Variants in RIPOR2 observed in about 807,000 individuals in gnomAD.
The protein encoded by RIPOR2 is rho family-interacting cell polarization regulator 2.
Under a neutral mutation model 114.5 loss-of-function variants are expected in RIPOR2, and 39 were observed. That is an observed-to-expected ratio of 0.34 (90% CI 0.26 to 0.44). RIPOR2 has a LOEUF of 0.44. RIPOR2 is among the 20% of genes least tolerant of loss of function. RIPOR2 has a pLI of 1.00. For synonymous variants in RIPOR2, 445 were observed against 484.4 expected, an observed-to-expected ratio of 0.92 and a Z score of 1.07; for missense variants, 1,007 against 1,255.1, an observed-to-expected ratio of 0.80 and a Z score of 2.99.
At chr6:24,810,904 A>G (rs1355458441) in intron 20 of RIPOR2, among the ~76,000 whole-genome samples, 1 of 152,082 alleles carries the variant, frequency 6.6e-6, no homozygotes, top group Non-Finnish European at 1.5e-5. Context: ...TCCTGGGTTC[A>G]AGCGATTCTC....
chr6:24,834,885 A>G (rs995742070), intron 15 of RIPOR2, among the ~76,000 whole-genome samples: 6 of 152,148 alleles, frequency 3.9e-5, no homozygotes, highest in Non-Finnish European at 8.8e-5. Context: ...TGACCTCCCA[A>G]AGTGCTGGGA....
intron 1 of RIPOR2, among the ~76,000 whole-genome samples, chr6:24,963,513 T>C (rs889304996): frequency 2.6e-5 from 4 of 152,172 alleles, no homozygotes; most frequent in Non-Finnish European, 5.9e-5. Flanking sequence ...ATGGTATATA[T>C]GTAGCTCTTC....
chr6:24,917,677 G>A lies in RIPOR2; in HGVS notation c.61+18161C>T, dbSNP rs376154378. ...CCCGTGTAGCTGGGATTACAGGCGC[G>A]TACCACCAGGCCTGGCTAATGTTTT... is the stretch of plus-strand genomic sequence containing the variant. On this transcript the variant is annotated intron_variant, in intron 1 of 21. Coordinates refer to ENST00000643898, the MANE Select transcript of RIPOR2 (RefSeq NM_001286445.3). 4.1e-4 allele frequency among the ~76,000 whole-genome samples: 62 copies of A among 152,176 alleles called. No individual in the cohort carries two copies. The South Asian group carries it at 6.4e-3, about 16-fold the overall frequency.
chr6:24,840,365 C>A (rs1164033446), intron 13 of RIPOR2: 4 of 1,131,468 alleles, frequency 3.5e-6, no homozygotes, highest in Admixed American at 9.3e-5. Context: ...ACTTCCCTGA[C>A]CAGGCCCTGG....
intron 1 of RIPOR2, among the ~76,000 whole-genome samples, chr6:24,978,644 G>A (rs1469763524): frequency 2.0e-5 from 3 of 152,122 alleles, no homozygotes; most frequent in Non-Finnish European, 4.4e-5. Flanking sequence ...GGTGAATGGA[G>A]GTTGGGAATA....
intron 1 of RIPOR2, among the ~76,000 whole-genome samples, chr6:25,030,441 C>A (rs1776868591): frequency 6.6e-6 from 1 of 152,016 alleles, no homozygotes; most frequent in Non-Finnish European, 1.5e-5. Context: ...GGGGGTTGTC[C>A]CCTCTGATGA....
At chr6:24,878,965 C>T (rs1766085172) in intron 1 of RIPOR2, among the ~76,000 whole-genome samples, 1 of 140,666 alleles carries the variant, frequency 7.1e-6, no homozygotes, top group South Asian at 2.2e-4. Context: ...AAACAAGGTT[C>T]TCAAAATCAG....
At chr6:24,935,964 G>A (rs1488734897), upstream of RIPOR2, 7 of 1,216,484 alleles carry the variant, frequency 5.8e-6, no homozygotes, top group East Asian at 7.6e-5. Context: ...TCACACTGCC[G>A]ACCGAGGTGA....
At chr6:24,891,770 T>G (rs1392953471) in intron 1 of RIPOR2, among the ~76,000 whole-genome samples, 1 of 152,214 alleles carries the variant, frequency 6.6e-6, no homozygotes, top group Non-Finnish European at 1.5e-5. Context: ...AGCTCTCACT[T>G]AGGTTAGTAA....
At chr6:24,833,879 A>G (rs1255747141) in intron 15 of RIPOR2, among the ~76,000 whole-genome samples, 3 of 152,180 alleles carry the variant, frequency 2.0e-5, no homozygotes, top group African/African-American at 2.4e-5. Flanking sequence ...AAAGCATGCC[A>G]ATTAGTCTTT....
chr6:24,818,617 G>C lies in RIPOR2; in HGVS notation c.2877C>G (p.Leu959=). Reference sequence around the variant, plus strand: ...TCTTTGTTAGTGCTTCACAGTAATAGAGCAAGGCCTGAAAGAGAAGGAGGG... The same window carrying C: ...TCTTTGTTAGTGCTTCACAGTAATACAGCAAGGCCTGAAAGAGAAGGAGGG... ...KNQHFREKAL[L]YYCEALTKTN... is the part of the protein sequence containing the mutation. The change falls in exon 20 of 22, where the codon CTC becomes CTG. Residue 959 remains leucine, a synonymous_variant. Transcript: ENST00000643898. The C allele has an allele frequency of 6.5e-7, 1 of 1,547,980 alleles. No individual in the cohort carries two copies. Among genetic ancestry groups the C allele is most frequent in the East Asian group, 2.4e-5 (1 of 40,846 alleles).
chr6:24,828,190 G>T lies in RIPOR2; in HGVS notation c.2612C>A (p.Thr871Asn), dbSNP rs1325987092. ...VTVFQYYSYF[T>N]SHGVSDLESY... ...CTCCAGGTCACTGACGCCGTGGCTG[G>T]TGAAGTAACTGTAATACTGGAAAAC... is the stretch of plus-strand genomic sequence containing the variant. Residue 871 changes from threonine (T) to asparagine (N), a missense_variant, in exon 18 of 22, where the codon ACC (threonine) becomes AAC (asparagine). Physicochemically the swap from Thr to Asn is moderately conservative, Grantham distance 65 (BLOSUM62 0). Coordinates refer to ENST00000643898, the MANE Select transcript of RIPOR2 (RefSeq NM_001286445.3). The T allele has an allele frequency of 4.5e-6, 7 of 1,551,160 alleles. No homozygotes were observed. Among genetic ancestry groups the T allele is most frequent in the Admixed American group, 2.0e-5 (1 of 50,962 alleles).
chr6:24,859,527 T>C (rs771184671), intron 8 of RIPOR2, among the ~76,000 whole-genome samples: 7 of 152,130 alleles, frequency 4.6e-5, no homozygotes, highest in Non-Finnish European at 8.8e-5. Context: ...CCCAAAAATG[T>C]AGAGAATGGA....
chr6:24,833,277 CAGATCACG>C (rs962977452), intron 15 of RIPOR2, among the ~76,000 whole-genome samples: 2 of 151,918 alleles, frequency 1.3e-5, no homozygotes, highest in African/African-American at 4.8e-5. Flanking sequence ...CTGAGGCAGG[CAGATCACG>C]AGGTCAGGAG....
intron 15 of RIPOR2, among the ~76,000 whole-genome samples, chr6:24,834,063 A>G (rs539145176): frequency 2.0e-5 from 3 of 152,244 alleles, no homozygotes; most frequent in South Asian, 2.1e-4. Context: ...ACATAAATAA[A>G]AATCCCTGTC....
intron 20 of RIPOR2, among the ~76,000 whole-genome samples, chr6:24,811,387 C>T (rs1781149524): frequency 6.8e-6 from 1 of 148,088 alleles, no homozygotes; most frequent in Non-Finnish European, 1.5e-5. Context: ...GTGTGTGCCA[C>T]CATGCCTGGC....
At chr6:24,854,673 C>G (rs1262072484) in intron 8 of RIPOR2, among the ~76,000 whole-genome samples, 1 of 152,092 alleles carries the variant, frequency 6.6e-6, no homozygotes, top group Non-Finnish European at 1.5e-5. Flanking sequence ...AGGTAAAAAT[C>G]TTCATCCTTT....
chr6:25,040,805 G>C (rs916139422), intron 1 of RIPOR2, among the ~76,000 whole-genome samples: 2 of 151,886 alleles, frequency 1.3e-5, no homozygotes, highest in Non-Finnish European at 2.9e-5. Flanking sequence ...GTTGGCCAGG[G>C]TGGTCTCGAT....
At chr6:24,987,604 A>C (rs1774590068) in intron 1 of RIPOR2, among the ~76,000 whole-genome samples, 2 of 152,236 alleles carry the variant, frequency 1.3e-5, no homozygotes, top group Admixed American at 1.3e-4. Context: ...AGATGCTTAC[A>C]ACAGGGTTAC....
Sources: allele counts gnomAD v4.1 joint callset (sites outside exome capture counted in the v4.1 genomes callset), GRCh38; gene constraint gnomAD v4.1.1; transcripts MANE v1.5; gene names NCBI Gene and HGNC (gene_info 2026-07-23, HGNC 2026-07-21).